CACNA1C: variants seen among roughly 807,000 people sequenced by gnomAD.
The protein encoded by CACNA1C is voltage-dependent L-type calcium channel subunit alpha-1C.
CACNA1C carries 30 observed loss-of-function variants against 229.0 expected under a neutral mutation model. The ratio of observed to expected loss-of-function variants is 0.13; its 90% CI spans 0.10 to 0.18. The LOEUF (loss-of-function observed/expected upper bound fraction) is 0.18, where lower values mean the gene tolerates loss of function less well. Among genes scored for constraint, CACNA1C ranks in the 10% least tolerant of loss-of-function variants. CACNA1C has a pLI of 1.00. For synonymous variants in CACNA1C, 1,114 were observed against 1,132.5 expected, an observed-to-expected ratio of 0.98 and a Z score of 0.33; for missense variants, 1,658 against 2,845.0, an observed-to-expected ratio of 0.58 and a Z score of 9.49.
chr12:2,634,666 G>C (rs2092117729), intron 30 of CACNA1C, among the ~76,000 whole-genome samples: 1 of 151,452 alleles, frequency 6.6e-6, no homozygotes, highest in Non-Finnish European at 1.5e-5. Flanking sequence ...GACTCACACT[G>C]TATCGGAGGA....
In CACNA1C at chr12:2,527,681, C is replaced by T. The variant is rs1035427276; in HGVS notation, c.1390+14697C>T. On this transcript the variant is annotated intron_variant, in intron 9 of 46. Coordinates refer to ENST00000399655, the MANE Select transcript of CACNA1C (RefSeq NM_000719.7). ...GAGTCTCAATGAATTTACTAATATT[C>T]GCTAAGGTCAGCTGGGTCCAGCTTT... is the stretch of plus-strand genomic sequence containing the variant. 3.9e-5 allele frequency among the ~76,000 whole-genome samples: 6 copies of T among 152,200 alleles called. No homozygotes were observed. The East Asian group carries it at 5.8e-4, about 15-fold the overall frequency.
Position 2,275,930 on chromosome 12 carries a change from G to A in CACNA1C, c.477+155500G>A, listed in dbSNP as rs950284457. 3.0e-4 allele frequency among the ~76,000 whole-genome samples: 45 copies of A among 152,152 alleles called. No homozygotes were observed. Among genetic ancestry groups the A allele is most frequent in the Admixed American group, 2.4e-3 (36 of 15,272 alleles). Reference sequence around the variant, plus strand: ...GTTACAGTCATCCCTTGGTGTCTGTGGGGAGACTGATTCCTGGACCCCTCT... The same window carrying A: ...GTTACAGTCATCCCTTGGTGTCTGTAGGGAGACTGATTCCTGGACCCCTCT... On this transcript the variant is annotated intron_variant, in intron 3 of 46. Transcript: ENST00000399655. This position sits in a 1 kb window ranked among gnomAD's most constrained non-coding sequence, Gnocchi z 4.1.
intron 1 of CACNA1C, among the ~76,000 whole-genome samples, chr12:2,063,620 C>T (rs758434209): frequency 6.6e-6 from 1 of 152,168 alleles, no homozygotes; most frequent in Non-Finnish European, 1.5e-5. Context: ...TGGGATTAAG[C>T]GTTTTCTTTC....
At chr12:2,260,521 A>G (rs867445016) in intron 3 of CACNA1C, among the ~76,000 whole-genome samples, 1 of 151,798 alleles carries the variant, frequency 6.6e-6, no homozygotes, top group Non-Finnish European at 1.5e-5. Flanking sequence ...AGAGACAGAA[A>G]GAAAAGAAAG....
chr12:2,085,718 C>G (rs1317381772), intron 1 of CACNA1C, among the ~76,000 whole-genome samples: 1 of 152,176 alleles, frequency 6.6e-6, no homozygotes, highest in African/African-American at 2.4e-5. Context: ...TAGCCCTCAT[C>G]CTGTACTGTG....
At position 2,034,034 on chromosome 12, in the gene CACNA1C, T is replaced by C. The variant is rs775141763; in HGVS notation, c.139+62833T>C. Among the ~76,000 whole-genome samples the C allele has an allele frequency of 4.6e-5, 7 of 152,188 alleles. No individual in the cohort carries two copies. The highest frequency in any genetic ancestry group is 1.5e-5 in the Non-Finnish European group (1 of 68,024). ...GGAGGAAGAGAATACAGTAACTGTA[T>C]TGCAACATTTATTAATAATAATAAC... On this transcript the variant is annotated intron_variant, in intron 1 of 46. Transcript: ENST00000682462. The surrounding 1 kb of genome is among the most constrained non-coding windows in gnomAD (Gnocchi z 4.1).
chr12:2,551,471 G>C (rs970420342), intron 10 of CACNA1C, among the ~76,000 whole-genome samples: 1 of 152,266 alleles, frequency 6.6e-6, no homozygotes, highest in African/African-American at 2.4e-5. Flanking sequence ...CATACAGAAC[G>C]CTGAGTCACA....
intron 6 of CACNA1C, among the ~76,000 whole-genome samples, chr12:2,492,784 C>A (rs1256188085): frequency 1.3e-5 from 2 of 152,190 alleles, no homozygotes. Context: ...AACTCTACCA[C>A]CAGAAAAAGA....
chr12:2,691,131 G>C lies in CACNA1C; in HGVS notation c.6349G>C (p.Val2117Leu). ...CGGGGGCGAAGAGGACGCGGGCTGTGTGCGCGCGCGGGGTCGACCGAGTGA... is the reference window on the plus strand; with the variant it reads ...CGGGGGCGAAGAGGACGCGGGCTGTCTGCGCGCGCGGGGTCGACCGAGTGA... ...RAGGEEDAGC[V>L]RARGRPSEEE... The change falls in exon 47 of 47, where the codon GTG (valine) becomes CTG (leucine). Residue 2117 changes from valine to leucine, a missense_variant. Coordinates refer to ENST00000399655, the MANE Select transcript of CACNA1C (RefSeq NM_000719.7). 1 of 1,608,232 alleles carries C rather than the reference G, an allele frequency of 6.2e-7. No individual in the cohort carries two copies. The highest frequency in any genetic ancestry group is 8.5e-7 in the Non-Finnish European group (1 of 1,175,782).
At chr12:2,120,692 G>GTGTGTGTGTGTGTGTGTGTGTGTGTGTT in intron 3 of CACNA1C, among the ~76,000 whole-genome samples, 1 of 150,660 alleles carries the variant, frequency 6.6e-6, no homozygotes, top group African/African-American at 2.5e-5. Flanking sequence ...GTGTGTGTGT[G>GTGTGTGTGTGTGTGTGTGTGTGTGTGTT]TGTGTTTAGT....
Position 2,115,440 on chromosome 12 carries a change from C to T in CACNA1C, c.266C>T (p.Pro89Leu). The change falls in exon 2 of 47, where the codon CCC becomes CTC. Residue 89 changes from proline to leucine, a missense_variant. Coordinates refer to ENST00000399655, the MANE Select transcript of CACNA1C (RefSeq NM_000719.7). ...CGGAAGCGGCAGCAATATGGGAAAC[C>T]CAAGAAGCAGGGCAGCACCACGGCC... Reference protein sequence around the residue: ...TQRKRQQYGKPKKQGSTTATR... With the variant: ...TQRKRQQYGKLKKQGSTTATR... The T allele has an allele frequency of 2.5e-6, 4 of 1,613,180 alleles. No homozygotes were observed. The highest frequency in any genetic ancestry group is 3.4e-6 in the Non-Finnish European group (4 of 1,179,886).
At chr12:2,055,334 C>T (rs956504619) in intron 1 of CACNA1C, among the ~76,000 whole-genome samples, 2 of 152,184 alleles carry the variant, frequency 1.3e-5, no homozygotes, top group South Asian at 4.1e-4. Context: ...TTACCCACCT[C>T]CTCAGTCTAA....
intron 38 of CACNA1C, among the ~76,000 whole-genome samples, chr12:2,671,717 T>C (rs569959917): frequency 2.6e-5 from 4 of 152,336 alleles, no homozygotes; most frequent in African/African-American, 9.6e-5. Flanking sequence ...ACCAGTCAAA[T>C]GCAGGGACCC....
In CACNA1C at chr12:2,054,278, C is replaced by T. The variant is rs757282161; in HGVS notation, c.49+667C>T. ...TCCGCCGCTCACCTACACCCACCCA[C>T]CTCTCCACTGCTGTTGACCCCGAGC... On this transcript the variant is annotated intron_variant, in intron 1 of 46. Transcript: ENST00000399655. This position sits in a 1 kb window ranked among gnomAD's most constrained non-coding sequence, Gnocchi z 5.5. 6.6e-6 allele frequency among the ~76,000 whole-genome samples: 1 copy of T among 152,194 alleles called. No homozygotes were observed. Among genetic ancestry groups the T allele is most frequent in the Non-Finnish European group, 1.5e-5 (1 of 68,026 alleles).
intron 1 of CACNA1C, among the ~76,000 whole-genome samples, chr12:2,041,911 C>T (rs548168125): frequency 1.6e-4 from 25 of 152,286 alleles, no homozygotes; most frequent in African/African-American, 6.0e-4. Flanking sequence ...TTGCAGATCC[C>T]CCCAAAAGAG....
chr12:2,394,570 T>C (rs1165845400), intron 3 of CACNA1C, among the ~76,000 whole-genome samples: 1 of 152,204 alleles, frequency 6.6e-6, no homozygotes, highest in Non-Finnish European at 1.5e-5. Flanking sequence ...GAATGTAAAG[T>C]GTTTTCAGAC....
At chr12:2,635,928 A>AT (rs2092570579) in intron 30 of CACNA1C, among the ~76,000 whole-genome samples, 1 of 152,182 alleles carries the variant, frequency 6.6e-6, no homozygotes, top group Admixed American at 6.5e-5. Flanking sequence ...TCCTCAGATC[A>AT]TTTTTTTAAA....
At chr12:2,119,277 G>A (rs550725016) in intron 2 of CACNA1C, among the ~76,000 whole-genome samples, 6 of 151,636 alleles carry the variant, frequency 4.0e-5, no homozygotes, top group Admixed American at 3.9e-4. Flanking sequence ...CCTTCACCCC[G>A]GATCTCCACC....
intron 3 of CACNA1C, among the ~76,000 whole-genome samples, chr12:2,315,711 T>A (rs2095655688): frequency 6.6e-6 from 1 of 152,294 alleles, no homozygotes; most frequent in African/African-American, 2.4e-5. Flanking sequence ...GTACGCACAT[T>A]AAGTTCTAGG....
Sources: gnomAD v4.1 joint callset for allele counts (sites outside exome capture counted in the v4.1 genomes callset) on GRCh38, gnomAD v4.1.1 for gene constraint, Gnocchi (gnomAD v3.1) non-coding constraint, MANE v1.5 for transcripts, NCBI Gene and HGNC (gene_info 2026-07-23, HGNC 2026-07-21) for gene names.